Variants in MINK1 observed in about 807,000 individuals in gnomAD.
MINK1 encodes misshapen-like kinase 1.
In MINK1, 46 loss-of-function variants were observed where a neutral mutation model predicts 178.4. The ratio of observed to expected loss-of-function variants is 0.26; its 90% CI spans 0.20 to 0.33. The LOEUF is 0.33. Among genes scored for constraint, MINK1 ranks in the 10% least tolerant of loss-of-function variants. The pLI, the probability that MINK1 is intolerant of heterozygous loss-of-function variation, is 1.00. For missense variants in MINK1, 1,366 were observed against 1,814.9 expected (o/e 0.75, Z 4.49); for synonymous variants, 797 against 709.7 (o/e 1.12, Z -1.96).
At chr17:4,893,734 G>C in intron 21 of MINK1, 137 bp downstream of exon 21, 2 of 1,281,170 alleles carry the variant, frequency 1.6e-6, no homozygotes, top group Non-Finnish European at 2.1e-6. Flanking sequence ...TGAGGGTGCA[G>C]GTTCCTGTCT....
At chr17:4,835,741 GGA>G in intron 1 of MINK1, among the ~76,000 whole-genome samples, 1 of 152,248 alleles carries the variant, frequency 6.6e-6, no homozygotes, top group Non-Finnish European at 1.5e-5. Flanking sequence ...AGTTTGGCCT[GGA>G]CCCTCAACCT....
chr17:4,886,465 T>C lies in MINK1; in HGVS notation c.788T>C (p.Ile263Thr). ...ACTGTTTCCAGGTCTAAGAAGTTCA[T>C]TGACTTCATTGACACATGTCTCATC... is the stretch of plus-strand genomic sequence containing the variant. ...LKSKKWSKKF[I>T]DFIDTCLIKT... is the part of the protein sequence containing the mutation. Residue 263 changes from isoleucine (I) to threonine (T), a missense_variant, in exon 10 of 32, where the codon ATT becomes ACT. Coordinates refer to ENST00000355280, the MANE Select transcript of MINK1 (RefSeq NM_153827.5). The surrounding 1 kb of genome is among the most constrained non-coding windows in gnomAD (Gnocchi z 6.1). 6.2e-7 allele frequency: 1 copy of C among 1,607,550 alleles called. No homozygotes were observed. Among genetic ancestry groups the C allele is most frequent in the Non-Finnish European group, 8.5e-7 (1 of 1,176,710 alleles).
intron 1 of MINK1, among the ~76,000 whole-genome samples, chr17:4,869,359 T>G (rs1013142880): frequency 4.6e-5 from 7 of 151,902 alleles, no homozygotes; most frequent in Non-Finnish European, 8.8e-5. Flanking sequence ...TCACTGTAAC[T>G]TCCACCTCCC....
chr17:4,890,399 C>G lies in MINK1; in HGVS notation c.1348-118C>G. On this transcript the variant is annotated intron_variant, in intron 13 of 31. Coordinates refer to ENST00000355280, the MANE Select transcript of MINK1 (RefSeq NM_153827.5). ...GAACACTTCAAGGGAAGGGATTCAC[C>G]CAGGACATCAAGGGAATACATCTCC... 2.0e-6 allele frequency: 3 copies of G among 1,464,114 alleles called. No homozygotes were observed. The South Asian group carries it at 4.2e-5, about 21-fold the overall frequency. 90.7% of individuals were successfully genotyped at this position (1,464,114 alleles called of 1,614,324 possible).
intron 1 of MINK1, among the ~76,000 whole-genome samples, chr17:4,840,195 C>T (rs2150742160): frequency 6.6e-6 from 1 of 152,178 alleles, no homozygotes; most frequent in East Asian, 1.9e-4. Flanking sequence ...ACTGGCATTG[C>T]TGCAGAAAGA....
intron 1 of MINK1, among the ~76,000 whole-genome samples, chr17:4,873,862 C>T (rs1033956266): frequency 6.6e-6 from 1 of 152,020 alleles, no homozygotes; most frequent in African/African-American, 2.4e-5. Context: ...TCTGATGATC[C>T]GGCGTTCTCA....
chr17:4,892,835 G>A (rs1265834182), intron 19 of MINK1, 67 bp downstream of exon 19: 1 of 1,477,662 alleles, frequency 6.8e-7, no homozygotes, highest in African/African-American at 1.4e-5. Flanking sequence ...CCCTGCCTTT[G>A]GTGGCTTTGG....
chr17:4,850,068 C>CAT (rs772280331), intron 1 of MINK1, among the ~76,000 whole-genome samples: 6 of 152,152 alleles, frequency 3.9e-5, no homozygotes, highest in Admixed American at 2.0e-4. Flanking sequence ...ATTTTTTCAT[C>CAT]AGAGTCTTTC....
intron 1 of MINK1, among the ~76,000 whole-genome samples, chr17:4,856,012 A>C (rs1168414571): frequency 2.6e-5 from 4 of 151,110 alleles, no homozygotes; most frequent in Non-Finnish European, 4.4e-5. Context: ...GTGGTATATC[A>C]TGGACAGTAG....
chr17:4,856,437 CT>C (rs557450778), intron 1 of MINK1, among the ~76,000 whole-genome samples: 54 of 149,650 alleles, frequency 3.6e-4, no homozygotes, highest in Admixed American at 8.0e-4. Flanking sequence ...CTCACACTCT[CT>C]TTTTTTTTTC....
At chr17:4,869,748 TC>T (rs1915609883) in intron 1 of MINK1, among the ~76,000 whole-genome samples, 2 of 147,576 alleles carry the variant, frequency 1.4e-5, no homozygotes, top group East Asian at 3.9e-4. Flanking sequence ...TGGCAGCATC[TC>T]TTTTTTTTTT....
chr17:4,885,148 A>C lies in MINK1; in HGVS notation c.508+146A>C, dbSNP rs756489677. 1.6e-5 allele frequency: 12 copies of C among 765,374 alleles called. No homozygotes were observed. The highest frequency in any genetic ancestry group is 2.5e-5 in the Non-Finnish European group (12 of 471,188). 47.4% of individuals were successfully genotyped at this position (765,374 alleles called of 1,614,324 possible). On this transcript the variant is annotated intron_variant, in intron 6 of 31. Coordinates refer to ENST00000355280, the MANE Select transcript of MINK1 (RefSeq NM_153827.5). The surrounding 1 kb of genome is among the most constrained non-coding windows in gnomAD (Gnocchi z 5.0). ...CTCCCCTTTCCCCTCTCCCCCTGGA[A>C]TGCCCTGCCTCCTGCTGAAAATCCC...
At chr17:4,890,415 A>C (rs1244723941) in intron 13 of MINK1, 102 bp from the exon 14 acceptor site, 1 of 1,482,286 alleles carries the variant, frequency 6.7e-7, no homozygotes, top group East Asian at 2.5e-5. Flanking sequence ...CATCAAGGGA[A>C]TACATCTCCT....
intron 1 of MINK1, among the ~76,000 whole-genome samples, chr17:4,867,104 T>TAATAATAATAATAATAAAAAA (rs1180632644): frequency 3.6e-5 from 5 of 138,748 alleles, no homozygotes; most frequent in African/African-American, 1.1e-4. Context: ...ATAATAATAA[T>TAATAATAATAATAATAAAAAA]AAACTGCACA....
At chr17:4,847,227 C>A in intron 1 of MINK1, 1 of 459,982 alleles carries the variant, frequency 2.2e-6, no homozygotes, top group Non-Finnish European at 4.3e-6. Context: ...AGTTTTGGTT[C>A]CAGTTCATTC....
At chr17:4,864,197 C>T (rs1018929301) in intron 1 of MINK1, among the ~76,000 whole-genome samples, 10 of 149,732 alleles carry the variant, frequency 6.7e-5, no homozygotes, top group Admixed American at 3.3e-4. Context: ...GTCGGGTGTT[C>T]GAGACCAGCC....
intron 1 of MINK1, chr17:4,859,343 T>A: frequency 1.0e-6 from 1 of 977,394 alleles, no homozygotes. Context: ...GGATACCTTT[T>A]CCTAACCTAC....
chr17:4,892,197 G>A lies in MINK1; in HGVS notation c.2050G>A (p.Ala684Thr). 6.3e-7 allele frequency: 1 copy of A among 1,599,616 alleles called. No homozygotes were observed. ...CGCCACTGCCCTTAACACCAGTGGG[G>A]CCGGAGGGTCCCGGCCAGCCCAGGC... ...SIATALNTSG[A>T]GGSRPAQAVR... Residue 684 changes from alanine to threonine, a missense_variant, in exon 17 of 32, where the codon GCC becomes ACC. Coordinates refer to ENST00000355280, the MANE Select transcript of MINK1 (RefSeq NM_153827.5).
intron 1 of MINK1, among the ~76,000 whole-genome samples, chr17:4,873,270 T>C (rs1459158489): frequency 6.6e-6 from 1 of 152,206 alleles, no homozygotes; most frequent in Non-Finnish European, 1.5e-5. Context: ...TGTTTCTAAC[T>C]GCACAATAGA....
Sources: allele counts gnomAD v4.1 joint callset (sites outside exome capture counted in the v4.1 genomes callset), GRCh38; gene constraint gnomAD v4.1.1; non-coding constraint Gnocchi (gnomAD v3.1); transcripts MANE v1.5; gene names NCBI Gene and HGNC (gene_info 2026-07-23, HGNC 2026-07-21).